MYH9: variants seen among roughly 807,000 people sequenced by gnomAD.
The protein encoded by MYH9 is myosin heavy chain 9.
MYH9 carries 29 observed loss-of-function variants against 241.9 expected under a neutral mutation model. The observed-to-expected ratio is 0.12, with a 90% CI of 0.09 to 0.16. The LOEUF is 0.16. MYH9 is among the 10% of genes least tolerant of loss of function. The probability of loss-of-function intolerance (pLI) is 1.00; values close to 1 mark genes in which losing one functional copy is unlikely to be tolerated. For synonymous variants in MYH9, 1,047 were observed against 1,062.6 expected (o/e 0.99, Z 0.29); for missense variants, 1,803 against 2,595.5 (o/e 0.69, Z 6.63).
In MYH9 at chr22:36,381,979, TTTGTTG is replaced by T. The variant is rs540701479; in HGVS notation, c.-20+5822_-20+5827del. Among the ~76,000 whole-genome samples, 4 of 152,070 alleles carry T rather than the reference TTTGTTG, an allele frequency of 2.6e-5. No homozygotes were observed. In the South Asian group the frequency reaches 8.3e-4, roughly 32 times the overall value. ...GACAGATACTGCCAAACAACTTTCT[TTTGTTG>T]TTGTTGTTGTTGTTTAATGTAACCC... On this transcript the variant is annotated intron_variant, in intron 1 of 40. Coordinates refer to ENST00000216181, the MANE Select transcript of MYH9 (RefSeq NM_002473.6).
intron 20 of MYH9, chr22:36,302,310 A>G (rs961136791): frequency 2.3e-6 from 1 of 426,678 alleles, no homozygotes; most frequent in South Asian, 2.3e-5. Context: ...TTTAAAGGCC[A>G]GGAAGGTCAG....
intron 1 of MYH9, among the ~76,000 whole-genome samples, chr22:36,363,995 T>C (rs1417945234): frequency 6.6e-6 from 1 of 152,218 alleles, no homozygotes; most frequent in African/African-American, 2.4e-5. Context: ...CACAGTTTGC[T>C]GAAACCCAAT....
chr22:36,293,488 G>A lies in MYH9; in HGVS notation c.3943-7C>T, dbSNP rs376396278. On this transcript the variant is annotated splice_region_variant and splice_polypyrimidine_tract_variant and intron_variant, in intron 29 of 40. Coordinates refer to ENST00000216181, the MANE Select transcript of MYH9 (RefSeq NM_002473.6). The surrounding 1 kb of genome is among the most constrained non-coding windows in gnomAD (Gnocchi z 5.1). ...TCTCCTCCTGCAGCAGCTCCTACTC[G>A]CGGGTTGAGAGGGGTGCGGGTGCTT... is the stretch of plus-strand genomic sequence containing the variant. 12 of 1,612,610 alleles carry A rather than the reference G, an allele frequency of 7.4e-6. No individual in the cohort carries two copies. The highest frequency in any genetic ancestry group is 2.2e-5 in the East Asian group (1 of 44,886).
chr22:36,281,393 G>A lies in MYH9; in HGVS notation c.*1275C>T, dbSNP rs1185063109. On this transcript the variant is annotated 3_prime_UTR_variant, in exon 41 of 41. Transcript: ENST00000216181. Reference sequence around the variant, plus strand: ...GGCACTTTTATTATATAAAAAAGGGGGTAGGGTGGGAGTTTCACTCACTCC... The same window carrying A: ...GGCACTTTTATTATATAAAAAAGGGAGTAGGGTGGGAGTTTCACTCACTCC... The A allele has an allele frequency of 4.4e-6, 1 of 226,954 alleles. No individual in the cohort carries two copies. Among genetic ancestry groups the A allele is most frequent in the Non-Finnish European group, 8.8e-6 (1 of 114,000 alleles). The allele number at this position is 226,954 out of a possible 1,614,324, so 14.1% of individuals were successfully genotyped here.
intron 1 of MYH9, among the ~76,000 whole-genome samples, chr22:36,361,255 G>A (rs1298468235): frequency 1.3e-5 from 2 of 152,198 alleles, no homozygotes; most frequent in Non-Finnish European, 1.5e-5. Context: ...CCAAGCCTGT[G>A]TTGATGCTTA....
Position 36,312,040 on chromosome 22 carries a change from G to A in MYH9, c.1728+9C>T, listed in dbSNP as rs2017072771. 5 of 1,613,752 alleles carry A rather than the reference G, an allele frequency of 3.1e-6. No individual in the cohort carries two copies. The highest frequency in any genetic ancestry group is 4.2e-6 in the Non-Finnish European group (5 of 1,179,936). ...ATCTGGCCAGCACCTCCCCGTGAGCGCTCCTCACCTTGCCGGCATAGTGGA... is the reference window on the plus strand; with the variant it reads ...ATCTGGCCAGCACCTCCCCGTGAGCACTCCTCACCTTGCCGGCATAGTGGA... On this transcript the variant is annotated intron_variant, in intron 14 of 40. Transcript: ENST00000216181.
intron 31 of MYH9, among the ~76,000 whole-genome samples, chr22:36,290,354 A>C (rs1191563929): frequency 6.6e-6 from 1 of 151,550 alleles, no homozygotes; most frequent in Non-Finnish European, 1.5e-5. Context: ...AAAAAAAAAA[A>C]AAAACCCAAA....
intron 1 of MYH9, among the ~76,000 whole-genome samples, chr22:36,366,605 C>G (rs2018015062): frequency 6.6e-6 from 1 of 152,172 alleles, no homozygotes; most frequent in Non-Finnish European, 1.5e-5. Flanking sequence ...GGGAACATCC[C>G]TGCCGATGTG....
At chr22:36,332,612 T>C (rs571827958) in intron 3 of MYH9, among the ~76,000 whole-genome samples, 6 of 124,448 alleles carry the variant, frequency 4.8e-5, no homozygotes, top group African/African-American at 9.5e-5. Context: ...TCCCCACTTA[T>C]AGGAGGCAGA....
At chr22:36,282,846 C>A in intron 40 of MYH9, 61 bp from the exon 41 acceptor site, 1 of 1,379,180 alleles carries the variant, frequency 7.3e-7, no homozygotes, top group Non-Finnish European at 1.0e-6. Context: ...GCGGCCACAG[C>A]ACAGCCCACA....
intron 1 of MYH9, among the ~76,000 whole-genome samples, chr22:36,360,080 C>T (rs1178807441): frequency 4.2e-5 from 3 of 70,740 alleles, no homozygotes; most frequent in East Asian, 5.5e-4. Flanking sequence ...CACCACCTAA[C>T]ATCAGAAGAG....
At chr22:36,339,869 G>A (rs1169593972) in intron 3 of MYH9, among the ~76,000 whole-genome samples, 1 of 152,182 alleles carries the variant, frequency 6.6e-6, no homozygotes, top group Admixed American at 6.5e-5. Flanking sequence ...GGCCCTGTCT[G>A]TATCTAGGAG....
intron 2 of MYH9, among the ~76,000 whole-genome samples, chr22:36,345,976 G>A (rs149492646): frequency 9.2e-5 from 14 of 152,138 alleles, no homozygotes; most frequent in Middle Eastern, 3.4e-3. Flanking sequence ...GGGAAACCCC[G>A]TCTTTACTAA....
At chr22:36,383,691 C>G (rs2018293697) in intron 1 of MYH9, among the ~76,000 whole-genome samples, 1 of 149,996 alleles carries the variant, frequency 6.7e-6, no homozygotes, top group Non-Finnish European at 1.5e-5. Context: ...GGTGCGGTGG[C>G]TCACGCCTGT....
At chr22:36,379,131 G>C (rs1261706391) in intron 1 of MYH9, among the ~76,000 whole-genome samples, 1 of 152,158 alleles carries the variant, frequency 6.6e-6, no homozygotes. Context: ...AAGAAGAAAG[G>C]CTCTTCTTTC....
At chr22:36,342,979 T>C (rs2146386224) in intron 2 of MYH9, among the ~76,000 whole-genome samples, 1 of 152,318 alleles carries the variant, frequency 6.6e-6, no homozygotes, top group East Asian at 1.9e-4. Flanking sequence ...GCACCTTCAT[T>C]GTTCATGAAG....
intron 2 of MYH9, 50 bp downstream of exon 2, chr22:36,348,854 A>ACCCCCC: frequency 7.0e-6 from 5 of 710,290 alleles, no homozygotes; most frequent in South Asian, 6.2e-5. Flanking sequence ...CCCCCCCCCC[A>ACCCCCC]CCTCGGAGCC....
chr22:36,358,436 C>G (rs1348919738), intron 1 of MYH9, among the ~76,000 whole-genome samples: 7 of 152,182 alleles, frequency 4.6e-5, no homozygotes, highest in African/African-American at 1.7e-4. Flanking sequence ...GCTTCCACCA[C>G]TGGGACAGCC....
intron 1 of MYH9, among the ~76,000 whole-genome samples, chr22:36,357,394 C>T (rs750832390): frequency 4.6e-5 from 7 of 152,158 alleles, no homozygotes; most frequent in Admixed American, 6.5e-5. Flanking sequence ...TGCCACGGCA[C>T]TATGGCTATC....
Sources: gnomAD v4.1 joint callset for allele counts (sites outside exome capture counted in the v4.1 genomes callset) on GRCh38, gnomAD v4.1.1 for gene constraint, Gnocchi (gnomAD v3.1) non-coding constraint, MANE v1.5 for transcripts, NCBI Gene and HGNC (gene_info 2026-07-23, HGNC 2026-07-21) for gene names.